Variants in CELF2 observed in about 807,000 individuals in gnomAD.
CELF2 encodes CUG triplet repeat RNA-binding protein 2.
In CELF2, 8 loss-of-function variants were observed where a neutral mutation model predicts 62.6. That is an observed-to-expected ratio of 0.13 (90% CI 0.07 to 0.23). CELF2 has a LOEUF of 0.23. Among genes scored for constraint, CELF2 ranks in the 10% least tolerant of loss-of-function variants. CELF2 has a pLI of 1.00. For synonymous variants in CELF2, 258 were observed against 250.0 expected (o/e 1.03, Z -0.30); for missense variants, 333 against 671.0 (o/e 0.50, Z 5.56).
At chr10:10,841,555 T>C (rs534258267) in intron 1 of CELF2, among the ~76,000 whole-genome samples, 75 of 152,130 alleles carry the variant, frequency 4.9e-4, no homozygotes, top group Admixed American at 5.9e-4. Context: ...TCTTTTTTTT[T>C]TTTAATCTAT....
chr10:11,272,547 C>T (rs545144886), intron 7 of CELF2, among the ~76,000 whole-genome samples: 6 of 152,350 alleles, frequency 3.9e-5, no homozygotes, highest in Middle Eastern at 3.4e-3. Context: ...TGTGCCCCCA[C>T]GGCTCACAGA....
chr10:10,494,616 A>T, the CELF2 span, among the ~76,000 whole-genome samples: 2 of 152,204 alleles, frequency 1.3e-5, no homozygotes, highest in Non-Finnish European at 2.9e-5. Flanking sequence ...TTTTTTATAC[A>T]CATGTTAGAC....
chr10:11,086,159 T>C (rs1196944830), intron 1 of CELF2, among the ~76,000 whole-genome samples: 1 of 152,188 alleles, frequency 6.6e-6, no homozygotes, highest in Non-Finnish European at 1.5e-5. Flanking sequence ...TGTTTTTCAA[T>C]GAACAGGATT....
chr10:10,472,663 A>G, the CELF2 span, among the ~76,000 whole-genome samples: 2 of 151,970 alleles, frequency 1.3e-5, no homozygotes, highest in East Asian at 1.9e-4. Context: ...AAGGTAATCC[A>G]CTGTCATGAC....
chr10:10,468,413 C>G, the CELF2 span, among the ~76,000 whole-genome samples: 3 of 152,052 alleles, frequency 2.0e-5, no homozygotes, highest in African/African-American at 7.2e-5. Flanking sequence ...ACTGGTAAAG[C>G]CATGTTCCAT....
chr10:10,533,358 C>T, the CELF2 span, among the ~76,000 whole-genome samples: 2 of 152,064 alleles, frequency 1.3e-5, no homozygotes, highest in Admixed American at 1.3e-4. Flanking sequence ...TTTAGAAGAA[C>T]GAGAGTACAA....
the CELF2 span, among the ~76,000 whole-genome samples, chr10:10,547,352 G>A: frequency 6.6e-6 from 1 of 152,116 alleles, no homozygotes; most frequent in African/African-American, 2.4e-5. Context: ...TTCTACACCT[G>A]TCAGAAATAT....
the CELF2 span, among the ~76,000 whole-genome samples, chr10:10,774,568 G>C: frequency 6.6e-6 from 1 of 152,214 alleles, no homozygotes; most frequent in Non-Finnish European, 1.5e-5. Context: ...CCTGCCATGT[G>C]AGATGTGCTG....
upstream of CELF2, chr10:10,798,596 G>T: frequency 2.5e-6 from 1 of 396,372 alleles, no homozygotes; most frequent in Non-Finnish European, 4.4e-6. Flanking sequence ...GGAGAGCGCA[G>T]GATTGATTTG....
rs1279253157 is a variant in CELF2, at chr10:11,268,149, T to C, written c.618+1472T>C. Among the ~76,000 whole-genome samples the C allele has an allele frequency of 6.6e-6, 1 of 152,152 alleles. No individual in the cohort carries two copies. The highest frequency in any genetic ancestry group is 1.5e-5 in the Non-Finnish European group (1 of 68,018). On this transcript the variant is annotated intron_variant, in intron 6 of 12. Transcript: ENST00000633077. The surrounding 1 kb of genome is among the most constrained non-coding windows in gnomAD (Gnocchi z 4.7). ...TCTTACTGAGGCCGCTCCATTCCTG[T>C]GGATTAGCCTGATTTCCAGCCACAT...
the CELF2 span, among the ~76,000 whole-genome samples, chr10:10,618,988 T>C: frequency 6.6e-6 from 1 of 152,188 alleles, no homozygotes; most frequent in Admixed American, 6.5e-5. Context: ...CCCTAAACTT[T>C]TATTATGCAG....
intron 1 of CELF2, among the ~76,000 whole-genome samples, chr10:10,844,117 T>G (rs1171716119): frequency 6.6e-6 from 1 of 152,082 alleles, no homozygotes; most frequent in Non-Finnish European, 1.5e-5. Context: ...TGTTCCTGCC[T>G]CAGAGTCCTG....
At chr10:11,166,570 C>G (rs1379850086) in intron 2 of CELF2, among the ~76,000 whole-genome samples, 2 of 152,136 alleles carry the variant, frequency 1.3e-5, no homozygotes, top group Admixed American at 6.5e-5. Flanking sequence ...TTTCTTCTTT[C>G]TCTGTTGTTG....
the CELF2 span, among the ~76,000 whole-genome samples, chr10:10,584,844 G>T: frequency 1.3e-5 from 2 of 152,172 alleles, no homozygotes; most frequent in Non-Finnish European, 2.9e-5. Context: ...CTAACGAAAT[G>T]AATTTTTAAG....
At chr10:10,598,948 C>T in the CELF2 span, among the ~76,000 whole-genome samples, 3 of 151,526 alleles carry the variant, frequency 2.0e-5, no homozygotes, top group African/African-American at 4.8e-5. Context: ...AGATGGGGTT[C>T]GCCATGTTGG....
intron 3 of CELF2, among the ~76,000 whole-genome samples, chr10:11,229,202 G>A (rs964064631): frequency 6.6e-6 from 1 of 152,156 alleles, no homozygotes; most frequent in Non-Finnish European, 1.5e-5. Context: ...TGATTTCTCT[G>A]CAAGGTTATG....
Position 11,297,428 on chromosome 10 carries a change from T to C in CELF2, c.976+8876T>C, listed in dbSNP as rs1451982688. Among the ~76,000 whole-genome samples the C allele has an allele frequency of 2.6e-5, 4 of 151,946 alleles. No individual in the cohort carries two copies. Among genetic ancestry groups the C allele is most frequent in the Non-Finnish European group, 5.9e-5 (4 of 67,996 alleles). On this transcript the variant is annotated intron_variant, in intron 9 of 12. Transcript: ENST00000633077. This position sits in a 1 kb window ranked among gnomAD's most constrained non-coding sequence, Gnocchi z 4.4. ...AGGCGGGGACCAGGTGCAGAAAGCC[T>C]TGGGGTCTGTGCTTGTGGAACAGAG...
chr10:10,583,663 C>G, the CELF2 span, among the ~76,000 whole-genome samples: 1 of 152,116 alleles, frequency 6.6e-6, no homozygotes, highest in Non-Finnish European at 1.5e-5. Context: ...TTATTCTTTT[C>G]CAAAAGCCCT....
intron 4 of CELF2, 82 bp downstream of exon 4, chr10:11,249,283 G>A: frequency 8.9e-7 from 1 of 1,123,448 alleles, no homozygotes; most frequent in Non-Finnish European, 1.4e-6. Flanking sequence ...GGAGAAGCCG[G>A]CCCAGCTGCT....
Sources: gnomAD v4.1 joint callset for allele counts (sites outside exome capture counted in the v4.1 genomes callset) on GRCh38, gnomAD v4.1.1 for gene constraint, Gnocchi (gnomAD v3.1) non-coding constraint, MANE v1.5 for transcripts, NCBI Gene and HGNC (gene_info 2026-07-23, HGNC 2026-07-21) for gene names.